ALMS1: variants seen among roughly 807,000 people sequenced by gnomAD.
The protein encoded by ALMS1 is ALMS1 centrosome and basal body associated protein.
In ALMS1, 271 loss-of-function variants were observed where a neutral mutation model predicts 352.2. The ratio of observed to expected loss-of-function variants is 0.77; its 90% confidence interval spans 0.70 to 0.85. The LOEUF (loss-of-function observed/expected upper bound fraction) is 0.85. Among genes scored for constraint, ALMS1 ranks in the 40% least tolerant of loss-of-function variants. ALMS1 has a pLI of 0.00. For synonymous variants in ALMS1, 1,865 were observed against 1,761.2 expected, an observed-to-expected ratio of 1.06 and a Z score of -1.48; for missense variants, 5,445 against 4,870.7, an observed-to-expected ratio of 1.12 and a Z score of -3.51.
chr2:73,402,308 C>T (rs534553274), intron 1 of ALMS1, among the ~76,000 whole-genome samples: 1 of 129,302 alleles, frequency 7.7e-6, no homozygotes, highest in Admixed American at 9.1e-5. Context: ...GAATCTCGCT[C>T]TGTTGCTCAG....
chr2:73,557,078 T>A, intron 13 of ALMS1, 142 bp from the exon 14 acceptor site: 1 of 1,100,754 alleles, frequency 9.1e-7, no homozygotes, highest in South Asian at 1.4e-5. Context: ...TCACAGTTTT[T>A]ACACAGGTGG....
At position 73,448,635 on chromosome 2, in the gene ALMS1, A is replaced by C; in HGVS notation, c.2108A>C (p.Asp703Ala). The change falls in exon 8 of 23, where the codon GAC becomes GCC. Residue 703 changes from aspartate to alanine, a missense_variant. Physicochemically the swap from Asp to Ala is moderately radical, Grantham distance 126. Transcript: ENST00000613296. ...LKVSAVSGPADQKTGTATVLS... is the reference protein window; with the variant it reads ...LKVSAVSGPAAQKTGTATVLS... ...GTCTCAGCTGTGTCTGGACCAGCTGACCAGAAGACTGGGACAGCAACAGTA... is the reference window on the plus strand; with the variant it reads ...GTCTCAGCTGTGTCTGGACCAGCTGCCCAGAAGACTGGGACAGCAACAGTA... 6.2e-7 allele frequency: 1 copy of C among 1,613,782 alleles called. No homozygotes were observed. Among genetic ancestry groups the C allele is most frequent in the Admixed American group, 1.7e-5 (1 of 59,994 alleles).
chr2:73,556,162 G>C (rs1031947912), intron 13 of ALMS1, among the ~76,000 whole-genome samples: 2 of 151,822 alleles, frequency 1.3e-5, no homozygotes, highest in African/African-American at 4.8e-5. Flanking sequence ...CTATATTTTT[G>C]GTATGCCTGA....
intron 21 of ALMS1, among the ~76,000 whole-genome samples, chr2:73,605,729 G>A (rs1242667045): frequency 2.6e-5 from 4 of 152,102 alleles, no homozygotes; most frequent in Non-Finnish European, 4.4e-5. Flanking sequence ...TGTAATCCCA[G>A]CTACTCTGGA....
In ALMS1 at chr2:73,536,756, C is replaced by T. The variant is rs190822212; in HGVS notation, c.9907+1807C>T. On this transcript the variant is annotated intron_variant, in intron 12 of 22. Transcript: ENST00000613296. ...TAAATAATAGAACTGATGCAAACAACGACGGCAAAAAACTGGGGCAAAGGA... is the reference window on the plus strand; with the variant it reads ...TAAATAATAGAACTGATGCAAACAATGACGGCAAAAAACTGGGGCAAAGGA... Among the ~76,000 whole-genome samples the T allele has an allele frequency of 1.2e-3, 184 of 152,032 alleles. 1 individual carries two copies. Among genetic ancestry groups the T allele is most frequent in the African/African-American group, 3.6e-3 (148 of 41,446 alleles).
chr2:73,485,400 C>T (rs1672812236), intron 9 of ALMS1, among the ~76,000 whole-genome samples: 1 of 152,250 alleles, frequency 6.6e-6, no homozygotes, highest in South Asian at 2.1e-4. Context: ...GGTCAGGGGT[C>T]AGGGACCCAC....
chr2:73,391,637 A>G (rs1670649423), intron 1 of ALMS1, among the ~76,000 whole-genome samples: 5 of 152,092 alleles, frequency 3.3e-5, no homozygotes, highest in South Asian at 4.1e-4. Flanking sequence ...TTGTGTTCCT[A>G]GGGTAAAAAC....
chr2:73,543,253 C>G (rs1299432123), intron 12 of ALMS1, among the ~76,000 whole-genome samples: 1 of 148,698 alleles, frequency 6.7e-6, no homozygotes, highest in African/African-American at 2.6e-5. Context: ...CTGAGAAAAA[C>G]AAGCAATGGG....
chr2:73,572,628 A>T lies in ALMS1; in HGVS notation c.10751A>T (p.Gln3584Leu), dbSNP rs144486524. Residue 3584 changes from glutamine (Q) to leucine (L), a missense_variant, in exon 16 of 23, where the codon CAG (glutamine) becomes CTG (leucine). Gln to Leu is a moderately radical substitution (Grantham distance 113). Transcript: ENST00000613296. ...NGQISDPQRD[Q>L]KVTPEQTTQH... ...CAAATTAGTGATCCACAAAGGGATCAGAAGGTCACCCCAGAGCAAACAACT... is the reference window on the plus strand; with the variant it reads ...CAAATTAGTGATCCACAAAGGGATCTGAAGGTCACCCCAGAGCAAACAACT... The T allele has an allele frequency of 5.1e-4, 826 of 1,614,090 alleles. 7 individuals are homozygous for T. In the African/African-American group the frequency reaches 9.6e-3, roughly 19 times the overall value.
chr2:73,416,020 C>G (rs146946762), intron 2 of ALMS1, among the ~76,000 whole-genome samples: 1 of 152,116 alleles, frequency 6.6e-6, no homozygotes, highest in African/African-American at 2.4e-5. Flanking sequence ...AGAGGATGGA[C>G]AGAAAGACTA....
rs370100719 is a variant in ALMS1, at chr2:73,573,384, C to T, written c.11507C>T (p.Pro3836Leu). The change falls in exon 16 of 23, where the codon CCC (proline) becomes CTC (leucine). Residue 3836 changes from proline (P) to leucine (L), a missense_variant. Transcript: ENST00000613296. ...HSKKVLNTGHPLVTSEHTRRR... is the reference protein window; with the variant it reads ...HSKKVLNTGHLLVTSEHTRRR... ...AAGAAAGTGCTGAATACAGGTCATC[C>T]CCTAGTGACTTCTGAGCACACCAGA... The T allele has an allele frequency of 6.2e-7, 1 of 1,613,992 alleles. No individual in the cohort carries two copies. The highest frequency in any genetic ancestry group is 8.5e-7 in the Non-Finnish European group (1 of 1,179,972).
At chr2:73,531,410 C>T (rs1673906954) in intron 11 of ALMS1, among the ~76,000 whole-genome samples, 1 of 152,200 alleles carries the variant, frequency 6.6e-6, no homozygotes, top group Non-Finnish European at 1.5e-5. Flanking sequence ...GACCTTTATG[C>T]CAGTTCCCAA....
At chr2:73,412,386 C>T (rs1671096633) in intron 2 of ALMS1, among the ~76,000 whole-genome samples, 1 of 152,120 alleles carries the variant, frequency 6.6e-6, no homozygotes, top group Admixed American at 6.5e-5. Context: ...GAGATTTATC[C>T]ATGTTGTTGC....
intron 6 of ALMS1, among the ~76,000 whole-genome samples, chr2:73,430,437 G>A (rs1261826678): frequency 6.6e-6 from 1 of 151,926 alleles, no homozygotes; most frequent in African/African-American, 2.4e-5. Flanking sequence ...TTTTTTTGAC[G>A]TCAAGCTTGT....
At chr2:73,529,843 A>C (rs536302353) in intron 11 of ALMS1, among the ~76,000 whole-genome samples, 2 of 152,154 alleles carry the variant, frequency 1.3e-5, no homozygotes, top group Non-Finnish European at 2.9e-5. Context: ...AGGGAAAGCA[A>C]GGCACGTCTT....
Position 73,490,861 on chromosome 2 carries a change from C to T in ALMS1, c.8902C>T (p.Gln2968Ter), listed in dbSNP as rs758433515. Reference protein sequence around the residue: ...SDLPSPISLEQCQSKAPGVDD... With the variant: ...SDLPSPISLE ...CCTTCCGTCTCCCATTTCTCTTGAA[C>T]AATGCCAAAGCAAAGCGCCAGGTGT... Residue 2968 changes from glutamine (Q) to a stop codon, truncating the protein, a stop_gained, in exon 10 of 23, where the codon CAA becomes TAA. Transcript: ENST00000613296. LOFTEE classifies it high-confidence loss of function. 6.2e-7 allele frequency: 1 copy of T among 1,614,108 alleles called. No individual in the cohort carries two copies. The highest frequency in any genetic ancestry group is 2.2e-5 in the East Asian group (1 of 44,852).
At chr2:73,606,221 AAAAT>A (rs1474631105) in intron 21 of ALMS1, among the ~76,000 whole-genome samples, 1 of 152,266 alleles carries the variant, frequency 6.6e-6, no homozygotes, top group Non-Finnish European at 1.5e-5. Context: ...AGTGAATAAA[AAAAT>A]AAAGTTTTGC....
Position 73,447,994 on chromosome 2 carries a change from T to G in ALMS1, c.1467T>G (p.Thr489=). ...DTSKGGIAKV[T]QSNLKSGITT... is the part of the protein sequence containing the mutation. ...CTAAAGGAGGCATAGCTAAAGTTAC[T>G]CAATCCAACTTGAAGTCAGGCATCA... is the stretch of plus-strand genomic sequence containing the variant. The change falls in exon 8 of 23, where the codon ACT becomes ACG. Residue 489 remains threonine (T), a synonymous_variant. Transcript: ENST00000613296. The G allele has an allele frequency of 6.2e-7, 1 of 1,613,470 alleles. No homozygotes were observed. Among genetic ancestry groups the G allele is most frequent in the Non-Finnish European group, 8.5e-7 (1 of 1,179,664 alleles).
chr2:73,604,294 A>ACCT (rs1445652291), intron 21 of ALMS1, among the ~76,000 whole-genome samples: 3 of 152,176 alleles, frequency 2.0e-5, no homozygotes, highest in African/African-American at 7.2e-5. Context: ...CCTACTCAGG[A>ACCT]GTCTTAGGTG....
Sources: allele counts gnomAD v4.1 joint callset (sites outside exome capture counted in the v4.1 genomes callset), GRCh38; gene constraint gnomAD v4.1.1; transcripts MANE v1.5; gene names NCBI Gene and HGNC (gene_info 2026-07-23, HGNC 2026-07-21).